Variants in CAMTA1 observed in about 807,000 individuals in gnomAD.
The protein encoded by CAMTA1 is calmodulin binding transcription activator 1, also known as calmodulin-binding transcription activator 1.
A neutral mutation model predicts 170.9 loss-of-function variants in CAMTA1; 27 were observed. The observed-to-expected ratio is 0.16, with a 90% confidence interval of 0.12 to 0.22. The LOEUF (loss-of-function observed/expected upper bound fraction) is 0.22. Among genes scored for constraint, CAMTA1 ranks in the 10% least tolerant of loss-of-function variants. CAMTA1 has a pLI of 1.00. For synonymous variants in CAMTA1, 833 were observed against 891.5 expected (o/e 0.93, Z 1.17); for missense variants, 1,619 against 2,217.2 (o/e 0.73, Z 5.42).
intron 5 of CAMTA1, among the ~76,000 whole-genome samples, chr1:7,329,001 G>A (rs934797334): frequency 2.0e-5 from 3 of 151,858 alleles, no homozygotes; most frequent in African/African-American, 7.3e-5. Flanking sequence ...CATGTGCTTG[G>A]TTATTTTTAC....
chr1:7,355,960 G>T (rs2085081489), intron 5 of CAMTA1, among the ~76,000 whole-genome samples: 1 of 152,226 alleles, frequency 6.6e-6, no homozygotes, highest in South Asian at 2.1e-4. Context: ...TCCCTTCTTT[G>T]CTCTCAGGAA....
intron 5 of CAMTA1, among the ~76,000 whole-genome samples, chr1:7,276,303 A>ATATAATTTTTTTTT: frequency 4.1e-5 from 1 of 24,232 alleles, no homozygotes; most frequent in African/African-American, 3.0e-4. Flanking sequence ...ATATATATAT[A>ATATAATTTTTTTTT]TTTTTTTTTT....
intron 11 of CAMTA1, among the ~76,000 whole-genome samples, chr1:7,725,285 A>G (rs2096677111): frequency 6.6e-6 from 1 of 152,252 alleles, no homozygotes; most frequent in Non-Finnish European, 1.5e-5. Flanking sequence ...AGGCGGAGAC[A>G]GACACCTGGA....
chr1:7,242,418 A>G (rs1329442885), intron 4 of CAMTA1, among the ~76,000 whole-genome samples: 1 of 152,168 alleles, frequency 6.6e-6, no homozygotes, highest in Admixed American at 6.5e-5. Flanking sequence ...TCTTTCACAT[A>G]TTGTTGCTGG....
chr1:7,467,250 A>G (rs994382396), intron 5 of CAMTA1, among the ~76,000 whole-genome samples: 1 of 152,126 alleles, frequency 6.6e-6, no homozygotes, highest in Non-Finnish European at 1.5e-5. Context: ...TAACAAATAT[A>G]TGAATAAACA....
In CAMTA1 at chr1:7,634,112, C is replaced by T. The variant is rs752177064; in HGVS notation, c.511-6288C>T. On this transcript the variant is annotated intron_variant, in intron 6 of 22. Coordinates refer to ENST00000303635, the MANE Select transcript of CAMTA1 (RefSeq NM_015215.4). This position sits in a 1 kb window ranked among gnomAD's most constrained non-coding sequence, Gnocchi z 6.2. ...GGAGCCGTCCGGAACAGCCCAACCA[C>T]GCCTGCTGCTGTTTGAAGGGTGGGT... Among the ~76,000 whole-genome samples, 13 of 152,300 alleles carry T rather than the reference C, an allele frequency of 8.5e-5. No homozygotes were observed. The highest frequency in any genetic ancestry group is 6.2e-4 in the South Asian group (3 of 4,822).
At chr1:7,621,947 T>C (rs1235714325) in intron 6 of CAMTA1, among the ~76,000 whole-genome samples, 1 of 152,236 alleles carries the variant, frequency 6.6e-6, no homozygotes, top group African/African-American at 2.4e-5. Context: ...AGGCGTCTTC[T>C]CTGGGTGACC....
chr1:7,181,919 C>T (rs1259243455), intron 4 of CAMTA1, among the ~76,000 whole-genome samples: 1 of 151,930 alleles, frequency 6.6e-6, no homozygotes, highest in African/African-American at 2.4e-5. Flanking sequence ...AAATTAAGAA[C>T]TACTGGGAGG....
Position 7,386,968 on chromosome 1 carries a change from G to A in CAMTA1, c.439-80862G>A, listed in dbSNP as rs149205983. ...ATGGTTTCCATGATGCTACATCTCC[G>A]GTCCCTCTTATGTTCCTAACTGTTT... is the stretch of plus-strand genomic sequence containing the variant. On this transcript the variant is annotated intron_variant, in intron 5 of 22. Coordinates refer to ENST00000303635, the MANE Select transcript of CAMTA1 (RefSeq NM_015215.4). 5.5e-3 allele frequency among the ~76,000 whole-genome samples: 841 copies of A among 152,128 alleles called. 3 individuals are homozygous for A. Among genetic ancestry groups the A allele is most frequent in the Non-Finnish European group, 9.6e-3 (652 of 68,006 alleles).
At chr1:6,952,644 C>G (rs1219152034) in intron 3 of CAMTA1, among the ~76,000 whole-genome samples, 1 of 151,872 alleles carries the variant, frequency 6.6e-6, no homozygotes, top group East Asian at 1.9e-4. Context: ...ACCAGCCTGG[C>G]CAACATGGCG....
chr1:7,109,038 C>T (rs1186762078), intron 4 of CAMTA1, among the ~76,000 whole-genome samples: 1 of 152,228 alleles, frequency 6.6e-6, no homozygotes, highest in East Asian at 1.9e-4. Context: ...CAGAGGCTGC[C>T]CTCAGTTCCT....
chr1:7,046,713 A>C (rs1408588230), intron 3 of CAMTA1, among the ~76,000 whole-genome samples: 2 of 152,194 alleles, frequency 1.3e-5, no homozygotes, highest in Non-Finnish European at 2.9e-5. Flanking sequence ...CAAGAGTGTG[A>C]GTTTTGGACT....
At chr1:6,950,724 C>T (rs1046166644) in intron 3 of CAMTA1, among the ~76,000 whole-genome samples, 1 of 151,954 alleles carries the variant, frequency 6.6e-6, no homozygotes, top group Non-Finnish European at 1.5e-5. Context: ...ACCCCCCAGC[C>T]CCACCAATCA....
At position 7,768,421 on chromosome 1, in the gene CAMTA1, A is replaced by G. The variant is rs1487164788; in HGVS notation, c.*1930A>G. The G allele has an allele frequency of 6.5e-6, 1 of 152,776 alleles. No homozygotes were observed. The highest frequency in any genetic ancestry group is 6.5e-5 in the Admixed American group (1 of 15,274). 9.5% of individuals were successfully genotyped at this position (152,776 alleles called of 1,614,324 possible). A position where few individuals can be genotyped will look rare whatever the true frequency, so the allele number is the denominator to read the frequency against. On this transcript the variant is annotated 3_prime_UTR_variant, in exon 23 of 23. Transcript: ENST00000303635. ...CTGAGGATCAGTTGGTGTAAAGCTG[A>G]GATGTTTTTTCTTGGTTCTGGCTGC... is the stretch of plus-strand genomic sequence containing the variant.
At chr1:6,823,818 C>T (rs113801220) in intron 2 of CAMTA1, among the ~76,000 whole-genome samples, 2,579 of 152,196 alleles carry the variant, frequency 0.017, 34 homozygotes, top group South Asian at 0.033. Flanking sequence ...TGTTGTATTT[C>T]ACTTTTAAGA....
chr1:7,055,102 C>T (rs1707095746), intron 3 of CAMTA1, among the ~76,000 whole-genome samples: 1 of 152,144 alleles, frequency 6.6e-6, no homozygotes, highest in African/African-American at 2.4e-5. Flanking sequence ...AGAACCCTAC[C>T]CCCATGATCC....
chr1:7,497,178 G>A (rs11120950), intron 6 of CAMTA1, among the ~76,000 whole-genome samples: 10,444 of 152,184 alleles, frequency 0.069, 450 homozygotes, highest in South Asian at 0.14. Context: ...GAAGCTGCCC[G>A]TCTCACACCT....
intron 1 of CAMTA1, among the ~76,000 whole-genome samples, chr1:6,794,788 C>T (rs1386039163): frequency 6.6e-6 from 1 of 151,986 alleles, no homozygotes; most frequent in Non-Finnish European, 1.5e-5. Context: ...AAAATATGAA[C>T]AATCCATGCC....
At chr1:7,147,723 A>G (rs1056474013) in intron 4 of CAMTA1, among the ~76,000 whole-genome samples, 1 of 151,384 alleles carries the variant, frequency 6.6e-6, no homozygotes, top group Non-Finnish European at 1.5e-5. Flanking sequence ...TATACCATGC[A>G]CACACACACT....
Sources: allele counts gnomAD v4.1 joint callset (sites outside exome capture counted in the v4.1 genomes callset), GRCh38; gene constraint gnomAD v4.1.1; non-coding constraint Gnocchi (gnomAD v3.1); transcripts MANE v1.5; gene names NCBI Gene and HGNC (gene_info 2026-07-23, HGNC 2026-07-21).